The following ZNF611 variants were observed in gnomAD, a reference collection of about 807,000 sequenced individuals.
The protein encoded by ZNF611 is zinc finger protein 611.
Under a neutral mutation model 8.9 loss-of-function variants are expected in ZNF611, and 6 were observed. That is an observed-to-expected ratio of 0.68 (90% CI 0.37 to 1.34). The LOEUF is 1.34. Among genes scored for constraint, ZNF611 ranks in the 40% most tolerant of loss-of-function variants. The pLI is 0.02. For synonymous variants in ZNF611, 262 were observed against 279.7 expected (o/e 0.94, Z 0.63); for missense variants, 874 against 841.3 (o/e 1.04, Z -0.48).
chr19:52,704,480 A>T lies in ZNF611; in HGVS notation c.*457T>A, dbSNP rs1032959999. The T allele has an allele frequency of 2.4e-6, 2 of 840,894 alleles. No individual in the cohort carries two copies. The highest frequency in any genetic ancestry group is 3.3e-5 in the African/African-American group (2 of 60,034). 52.1% of individuals were successfully genotyped at this position (840,894 alleles called of 1,614,324 possible). On this transcript the variant is annotated 3_prime_UTR_variant, in exon 6 of 6. Transcript: ENST00000652185. ...TAAATTCTCCTATGTTTTGCATAGG[A>T]TGAAGCTTGACTGAAGACCTTGGCA...
At chr19:52,718,408 G>A (rs2062332375) in intron 3 of ZNF611, among the ~76,000 whole-genome samples, 1 of 152,092 alleles carries the variant, frequency 6.6e-6, no homozygotes, top group East Asian at 1.9e-4. Flanking sequence ...CAGAGGCTGA[G>A]GTGGGAAAAT....
At chr19:52,714,475 G>A (rs185730774) in intron 4 of ZNF611, among the ~76,000 whole-genome samples, 3 of 151,658 alleles carry the variant, frequency 2.0e-5, no homozygotes, top group Admixed American at 6.6e-5. Context: ...ATTATTTGCG[G>A]TCAAGAGTTC....
chr19:52,724,218 C>A (rs1464810724), intron 3 of ZNF611: 2 of 152,208 alleles, frequency 1.3e-5, no homozygotes, highest in African/African-American at 4.8e-5. Flanking sequence ...TTGGACAATA[C>A]CCAGGCTTTC....
intron 3 of ZNF611, among the ~76,000 whole-genome samples, chr19:52,718,880 G>C (rs1280342995): frequency 6.6e-6 from 1 of 151,890 alleles, no homozygotes; most frequent in East Asian, 1.9e-4. Flanking sequence ...AAAATGAAAA[G>C]CAACTAATGA....
intron 1 of ZNF611, among the ~76,000 whole-genome samples, chr19:52,730,736 C>T (rs1315078281): frequency 2.6e-5 from 4 of 151,612 alleles, no homozygotes; most frequent in African/African-American, 9.7e-5. Context: ...AGGCATGCAC[C>T]ATCACACCCA....
At chr19:52,724,170 C>T (rs1036484233) in intron 3 of ZNF611, 5 of 152,260 alleles carry the variant, frequency 3.3e-5, no homozygotes, top group East Asian at 3.8e-4. Flanking sequence ...TCCCTTCCCA[C>T]GAGGCCATAT....
At position 52,704,352 on chromosome 19, in the gene ZNF611, G is replaced by T. The variant is rs190684293; in HGVS notation, c.*585C>A. On this transcript the variant is annotated 3_prime_UTR_variant, in exon 6 of 6. Transcript: ENST00000652185. ...AGACCTTGCCACACTGATGACATTT[G>T]TAAGATTTCTGTCCAGTATAGATTC... The T allele has an allele frequency of 2.9e-5, 18 of 617,876 alleles. No homozygotes were observed. The East Asian group carries it at 5.6e-4, about 19-fold the overall frequency. The allele number at this position is 617,876 out of a possible 1,614,324, so 38.3% of individuals were successfully genotyped here.
chr19:52,729,514 A>G (rs867603645), intron 2 of ZNF611, among the ~76,000 whole-genome samples: 117 of 148,664 alleles, frequency 7.9e-4, no homozygotes, highest in Middle Eastern at 3.5e-3. Context: ...AAAAAAAAAA[A>G]AAAAGAAAAG....
chr19:52,730,219 C>G (rs1313914259), intron 1 of ZNF611, among the ~76,000 whole-genome samples: 1 of 151,580 alleles, frequency 6.6e-6, no homozygotes, highest in African/African-American at 2.4e-5. Context: ...TGGTGAAACC[C>G]CATCTCTACT....
intron 3 of ZNF611, among the ~76,000 whole-genome samples, chr19:52,721,735 G>C (rs1464973120): frequency 1.3e-5 from 2 of 151,992 alleles, no homozygotes; most frequent in African/African-American, 4.8e-5. Flanking sequence ...GAGAGGGAAA[G>C]GGAGAGGGAG....
rs1215607282 is a variant in ZNF611 at position 52,706,237 on chromosome 19, T to C, written c.818A>G (p.Tyr273Cys). 5.6e-6 allele frequency: 9 copies of C among 1,614,060 alleles called. No homozygotes were observed. Among genetic ancestry groups the C allele is most frequent in the Non-Finnish European group, 7.6e-6 (9 of 1,180,024 alleles). The change falls in exon 6 of 6, where the codon TAC (tyrosine) becomes TGC (cysteine). Residue 273 changes from tyrosine (Y) to cysteine (C), a missense_variant. By Grantham distance (194) the Tyr-to-Cys change is radical. Transcript: ENST00000652185. ...VCGKLFNHEQ[Y>C]LACHDRCHTV... is the part of the protein sequence containing the mutation. ...GTGACATCTATCATGGCATGCAAGG[T>C]ATTGCTCGTGATTAAAGAGCTTGCC...
chr19:52,721,363 C>G (rs1413488829), intron 3 of ZNF611: 2 of 178,414 alleles, frequency 1.1e-5, no homozygotes, highest in Non-Finnish European at 2.3e-5. Context: ...AAGCCAAGAT[C>G]ACGCCACTGC....
At position 52,705,135 on chromosome 19, in the gene ZNF611, A is replaced by G; in HGVS notation, c.1920T>C (p.His640=). 9.9e-6 allele frequency: 16 copies of G among 1,614,192 alleles called. No individual in the cohort carries two copies. Among genetic ancestry groups the G allele is most frequent in the Non-Finnish European group, 1.3e-5 (15 of 1,180,042 alleles). Residue 640 remains histidine (H), a synonymous_variant, in exon 6 of 6, where the codon CAT becomes CAC. Coordinates refer to ENST00000652185, the MANE Select transcript of ZNF611 (RefSeq NM_001161499.2). Reference sequence around the variant, plus strand: ...ATTTCTCTCCAGTATGAAGTCTACGATGGTATATAAGGGATGAGCAGTGAC... The same window carrying G: ...ATTTCTCTCCAGTATGAAGTCTACGGTGGTATATAAGGGATGAGCAGTGAC... ...TFRHCSSLIY[H]RRLHTGEKSY...
At chr19:52,725,146 G>A (rs1051605424) in intron 3 of ZNF611, among the ~76,000 whole-genome samples, 4 of 152,168 alleles carry the variant, frequency 2.6e-5, no homozygotes, top group Non-Finnish European at 5.9e-5. Flanking sequence ...AGGTGGAGCT[G>A]GGCAGGCAAG....
intron 5 of ZNF611, among the ~76,000 whole-genome samples, chr19:52,711,932 T>C (rs149463069): frequency 0.018 from 2,700 of 152,146 alleles, 67 homozygotes; most frequent in African/African-American, 0.062. Flanking sequence ...GTGAACTTTG[T>C]GCATGCACCT....
intron 3 of ZNF611, among the ~76,000 whole-genome samples, chr19:52,718,912 C>A (rs752454052): frequency 1.1e-4 from 17 of 152,198 alleles, no homozygotes; most frequent in Admixed American, 7.2e-4. Flanking sequence ...GTGGCTCACA[C>A]CTGTAATCCC....
rs1256253240 is a variant in ZNF611, at chr19:52,704,878, TCTC to T, written c.*56_*58del. On this transcript the variant is annotated 3_prime_UTR_variant, in exon 6 of 6. Coordinates refer to ENST00000652185, the MANE Select transcript of ZNF611 (RefSeq NM_001161499.2). Reference sequence around the variant, plus strand: ...TGTAAGCTTTCTCTCCAGTATAAATTCTCCTATGTCTTTAAGGTGTGATTTCCA... The same window carrying T: ...TGTAAGCTTTCTCTCCAGTATAAATTCTATGTCTTTAAGGTGTGATTTCCA... The T allele has an allele frequency of 1.2e-6, 2 of 1,608,970 alleles. No homozygotes were observed. Among genetic ancestry groups the T allele is most frequent in the Non-Finnish European group, 1.7e-6 (2 of 1,177,604 alleles).
intron 5 of ZNF611, among the ~76,000 whole-genome samples, chr19:52,707,961 T>G (rs1008429761): frequency 1.3e-5 from 2 of 152,142 alleles, no homozygotes; most frequent in African/African-American, 4.8e-5. Context: ...ATAGTGCATG[T>G]CAGTTATATT....
intron 3 of ZNF611, among the ~76,000 whole-genome samples, chr19:52,725,156 G>C (rs1333650021): frequency 6.6e-6 from 1 of 152,296 alleles, no homozygotes; most frequent in East Asian, 1.9e-4. Context: ...GGGCAGGCAA[G>C]AACACCCGGT....
Sources: allele counts gnomAD v4.1 joint callset (sites outside exome capture counted in the v4.1 genomes callset), GRCh38; gene constraint gnomAD v4.1.1; transcripts MANE v1.5; gene names NCBI Gene and HGNC (gene_info 2026-07-23, HGNC 2026-07-21).